Variants in WWP2 observed in about 807,000 individuals in gnomAD.
WWP2 encodes NEDD4-like E3 ubiquitin-protein ligase WWP2.
A neutral mutation model predicts 121.0 loss-of-function variants in WWP2; 57 were observed. That is an observed-to-expected ratio of 0.47 (90% CI 0.38 to 0.59). The LOEUF (loss-of-function observed/expected upper bound fraction) is 0.59. Ranked by LOEUF, WWP2 falls within the 20% of genes least tolerant of loss-of-function variation. The pLI is 0.00. For synonymous variants in WWP2, 449 were observed against 441.3 expected (o/e 1.02, Z -0.22); for missense variants, 962 against 1,158.9 (o/e 0.83, Z 2.47).
chr16:69,826,965 C>G (rs67149019), intron 4 of WWP2, among the ~76,000 whole-genome samples: 153 of 13,094 alleles, frequency 0.012, 2 homozygotes, highest in African/African-American at 0.018. Flanking sequence ...GGGGGGGGGG[C>G]GGAGAGAATA....
At chr16:69,899,852 A>G (rs1488712486) in intron 8 of WWP2, among the ~76,000 whole-genome samples, 1 of 151,080 alleles carries the variant, frequency 6.6e-6, no homozygotes, top group East Asian at 2.0e-4. Context: ...GGCATTTTAG[A>G]TTTGATGAAA....
At chr16:69,917,915 G>A (rs759076647) in intron 10 of WWP2, 32 bp downstream of exon 10, 4 of 1,594,448 alleles carry the variant, frequency 2.5e-6, no homozygotes, top group Admixed American at 1.7e-5. Flanking sequence ...CCGAGGTGGG[G>A]CCGCCTCCCT....
chr16:69,777,933 G>T (rs1327344444), intron 1 of WWP2, among the ~76,000 whole-genome samples: 1 of 150,530 alleles, frequency 6.6e-6, no homozygotes, highest in Admixed American at 6.6e-5. Context: ...AGGTGAGTCT[G>T]GTGGCTGGTG....
chr16:69,901,124 C>T lies in WWP2; in HGVS notation c.915-7637C>T, dbSNP rs184660080. On this transcript the variant is annotated intron_variant, in intron 8 of 23. Coordinates refer to ENST00000359154, the MANE Select transcript of WWP2 (RefSeq NM_001270454.2). ...TTCCACTGCAGACAGATTGCTGACT[C>T]ATAAAACAGCCTGAAAACATCCCTA... 2.0e-5 allele frequency among the ~76,000 whole-genome samples: 3 copies of T among 152,264 alleles called. No homozygotes were observed. The East Asian group carries it at 5.8e-4, about 29-fold the overall frequency.
At chr16:69,846,722 GAA>G (rs1213367186) in intron 6 of WWP2, among the ~76,000 whole-genome samples, 2 of 123,944 alleles carry the variant, frequency 1.6e-5, no homozygotes, top group African/African-American at 5.9e-5. Context: ...TCTGTCTCAA[GAA>G]AAAAAAAAAA....
In WWP2 at chr16:69,931,169, C is replaced by T; in HGVS notation, c.1463C>T (p.Pro488Leu). Residue 488 changes from proline (P) to leucine (L), a missense_variant, in exon 14 of 24, where the codon CCT (proline) becomes CTT (leucine). Transcript: ENST00000359154. ...GFESGTKQGS[P>L]GAYDRSFRWK... is the part of the protein sequence containing the mutation. ...CTTCCTAGGACGAAGCAAGGTTCCC[C>T]TGGTGCTTATGACCGCAGTTTTCGG... 6.2e-7 allele frequency: 1 copy of T among 1,614,186 alleles called. No individual in the cohort carries two copies. Among genetic ancestry groups the T allele is most frequent in the Non-Finnish European group, 8.5e-7 (1 of 1,180,028 alleles).
intron 6 of WWP2, among the ~76,000 whole-genome samples, chr16:69,855,969 C>T (rs1374607503): frequency 6.6e-6 from 1 of 152,082 alleles, no homozygotes; most frequent in Non-Finnish European, 1.5e-5. Flanking sequence ...TGCTTTTTCT[C>T]TTAAAATTTA....
At chr16:69,782,736 C>G (rs939550736) in intron 1 of WWP2, among the ~76,000 whole-genome samples, 1 of 152,148 alleles carries the variant, frequency 6.6e-6, no homozygotes, top group African/African-American at 2.4e-5. Context: ...AAATTCTGTT[C>G]GAGTTTGCTA....
Position 69,939,115 on chromosome 16 carries a change from A to T in WWP2, c.2432A>T (p.Glu811Val). 2 of 1,599,706 alleles carry T rather than the reference A, an allele frequency of 1.3e-6. No individual in the cohort carries two copies. Among genetic ancestry groups the T allele is most frequent in the Non-Finnish European group, 1.7e-6 (2 of 1,172,370 alleles). ...CGCCTGCCCGTCGGGGGATTTGCCGAACTCATCGGTATGTTTTCTCTCGCC... is the reference window on the plus strand; with the variant it reads ...CGCCTGCCCGTCGGGGGATTTGCCGTACTCATCGGTATGTTTTCTCTCGCC... ...TCRLPVGGFA[E>V]LIGSNGPQKF... Residue 811 changes from glutamate (E) to valine (V), a missense_variant, in exon 22 of 24, where the codon GAA becomes GTA. Transcript: ENST00000359154.
At chr16:69,886,155 T>C (rs2057920404) in intron 7 of WWP2, among the ~76,000 whole-genome samples, 1 of 152,164 alleles carries the variant, frequency 6.6e-6, no homozygotes, top group Non-Finnish European at 1.5e-5. Context: ...CAATCATGGC[T>C]CACTTCAGCC....
chr16:69,935,834 T>C lies in WWP2; in HGVS notation c.1843-19T>C. The C allele has an allele frequency of 6.2e-7, 1 of 1,606,072 alleles. No homozygotes were observed. Among genetic ancestry groups the C allele is most frequent in the East Asian group, 2.2e-5 (1 of 44,868 alleles). On this transcript the variant is annotated intron_variant, in intron 17 of 23. Transcript: ENST00000359154. This position sits in a 1 kb window ranked among gnomAD's most constrained non-coding sequence, Gnocchi z 5.2. ...CCCAGGGAAGGCCAAACCTCTGTGC[T>C]GTGCCTCTTCCTTCCCAGGCGCTGT...
intron 6 of WWP2, among the ~76,000 whole-genome samples, chr16:69,852,283 C>CTT (rs202191991): frequency 1.4e-4 from 21 of 146,356 alleles, no homozygotes; most frequent in South Asian, 4.3e-4. Context: ...TGGAGAGTCT[C>CTT]TTTTTTTTTT....
chr16:69,914,703 C>T (rs760237007), intron 9 of WWP2, among the ~76,000 whole-genome samples: 2 of 151,970 alleles, frequency 1.3e-5, no homozygotes, highest in Non-Finnish European at 2.9e-5. Flanking sequence ...CTGCAGTGAG[C>T]CATGATCATG....
intron 4 of WWP2, among the ~76,000 whole-genome samples, chr16:69,801,293 G>A (rs1039163600): frequency 2.6e-4 from 38 of 147,384 alleles, no homozygotes; most frequent in African/African-American, 9.2e-4. Flanking sequence ...GTGCAGTGGT[G>A]CAATCTCGGC....
In WWP2 at chr16:69,835,421, T is replaced by G. The variant is rs1036368247; in HGVS notation, c.341-4705T>G. ...TTTTTTTAAAAAGCAAATAATGAGG[T>G]GTTCTGTTCTCTGAAGTTTAATTTT... is the stretch of plus-strand genomic sequence containing the variant. On this transcript the variant is annotated intron_variant, in intron 4 of 23. Transcript: ENST00000359154. 3.3e-5 allele frequency among the ~76,000 whole-genome samples: 5 copies of G among 152,138 alleles called. No homozygotes were observed. In the East Asian group the frequency reaches 9.6e-4, roughly 29 times the overall value.
intron 2 of WWP2, among the ~76,000 whole-genome samples, chr16:69,798,269 G>A (rs773216988): frequency 2.5e-4 from 38 of 152,128 alleles, no homozygotes; most frequent in South Asian, 4.1e-4. Flanking sequence ...TCCCCAGAGC[G>A]AACAATTGCA....
chr16:69,861,048 C>T (rs2057408314), intron 6 of WWP2, among the ~76,000 whole-genome samples: 1 of 152,172 alleles, frequency 6.6e-6, no homozygotes, highest in Non-Finnish European at 1.5e-5. Flanking sequence ...TCCTTGGGGG[C>T]CAGCCCCATG....
chr16:69,816,913 G>A (rs2056503969), intron 4 of WWP2, among the ~76,000 whole-genome samples: 1 of 152,198 alleles, frequency 6.6e-6, no homozygotes, highest in Non-Finnish European at 1.5e-5. Context: ...GAGATGCTAT[G>A]TAACTTGTCC....
At position 69,811,241 on chromosome 16, in the gene WWP2, C is replaced by T. The variant is rs548933846; in HGVS notation, c.340+11946C>T. ...GGAGCACTGCAGACTTTGGCTTTCC[C>T]AGAATCTCCTACTTTCAAGGAGGTG... On this transcript the variant is annotated intron_variant, in intron 4 of 23. Transcript: ENST00000359154. Among the ~76,000 whole-genome samples the T allele has an allele frequency of 9.2e-5, 14 of 152,236 alleles. No individual in the cohort carries two copies. The East Asian group carries it at 2.1e-3, about 23-fold the overall frequency.
Sources: allele counts gnomAD v4.1 joint callset (sites outside exome capture counted in the v4.1 genomes callset), GRCh38; gene constraint gnomAD v4.1.1; non-coding constraint Gnocchi (gnomAD v3.1); transcripts MANE v1.5; gene names NCBI Gene and HGNC (gene_info 2026-07-23, HGNC 2026-07-21).